GRK5: variants seen among roughly 807,000 people sequenced by gnomAD.
The protein encoded by GRK5 is g protein-coupled receptor kinase GRK5.
GRK5 carries 40 observed loss-of-function variants against 78.4 expected under a neutral mutation model. That is an observed-to-expected ratio of 0.51 (90% confidence interval 0.40 to 0.66). The LOEUF (loss-of-function observed/expected upper bound fraction) is 0.66. Ranked by LOEUF, GRK5 falls within the 30% of genes least tolerant of loss-of-function variation. The pLI, the probability that GRK5 is intolerant of heterozygous loss-of-function variation, is 0.00. For synonymous variants in GRK5, 289 were observed against 296.8 expected (o/e 0.97, Z 0.27); for missense variants, 598 against 759.9 (o/e 0.79, Z 2.50).
chr10:119,218,229 G>A (rs1318681302), intron 1 of GRK5, among the ~76,000 whole-genome samples: 1 of 152,024 alleles, frequency 6.6e-6, no homozygotes, highest in Non-Finnish European at 1.5e-5. Flanking sequence ...GCCTGGTGTC[G>A]CTCCCTGATG....
In GRK5 at chr10:119,419,281, G is replaced by A. The variant is rs1484179294; in HGVS notation, c.340-3885G>A. On this transcript the variant is annotated intron_variant, in intron 4 of 15. Transcript: ENST00000392870. Reference sequence around the variant, plus strand: ...GCCTTGTTTCTTACACGGTGTATCCGATCTGACACGCAGCCAGCGGAGGGC... The same window carrying A: ...GCCTTGTTTCTTACACGGTGTATCCAATCTGACACGCAGCCAGCGGAGGGC... Among the ~76,000 whole-genome samples, 3 of 152,194 alleles carry A rather than the reference G, an allele frequency of 2.0e-5. No homozygotes were observed. In the East Asian group the frequency reaches 5.8e-4, roughly 29 times the overall value.
chr10:119,368,145 G>A (rs1851481155), intron 2 of GRK5, among the ~76,000 whole-genome samples: 1 of 152,250 alleles, frequency 6.6e-6, no homozygotes, highest in South Asian at 2.1e-4. Flanking sequence ...TCCCTGGCAG[G>A]CCAGGGCAGC....
At position 119,264,750 on chromosome 10, in the gene GRK5, G is replaced by T. The variant is rs1849467160; in HGVS notation, c.52+56781G>T. ...AGTGGGGTAGGACTATTCTTCAGCA[G>T]TGGGAGGGACCCTGGGTGGACTAAA... On this transcript the variant is annotated intron_variant, in intron 1 of 15. Coordinates refer to ENST00000392870, the MANE Select transcript of GRK5 (RefSeq NM_005308.3). The surrounding 1 kb of genome is among the most constrained non-coding windows in gnomAD (Gnocchi z 4.1). Among the ~76,000 whole-genome samples the T allele has an allele frequency of 1.3e-5, 2 of 152,234 alleles. No homozygotes were observed. The highest frequency in any genetic ancestry group is 2.1e-4 in the South Asian group (1 of 4,836).
chr10:119,260,290 C>T (rs1340454821), intron 1 of GRK5, among the ~76,000 whole-genome samples: 1 of 152,118 alleles, frequency 6.6e-6, no homozygotes, highest in Admixed American at 6.5e-5. Context: ...CGTGAGCCGC[C>T]GCACCGGCCA....
chr10:119,213,874 T>C (rs1848527226), intron 1 of GRK5, among the ~76,000 whole-genome samples: 2 of 152,234 alleles, frequency 1.3e-5, no homozygotes, highest in African/African-American at 2.4e-5. Flanking sequence ...AAGGACCCAG[T>C]GCGGAGGTGA....
chr10:119,367,912 G>C (rs766209554), intron 2 of GRK5, among the ~76,000 whole-genome samples: 1 of 152,240 alleles, frequency 6.6e-6, no homozygotes, highest in Non-Finnish European at 1.5e-5. Flanking sequence ...CAGCACAGCC[G>C]TGATCCTCGC....
intron 13 of GRK5, among the ~76,000 whole-genome samples, chr10:119,449,931 G>T (rs1337715987): frequency 1.3e-5 from 2 of 152,198 alleles, no homozygotes; most frequent in Admixed American, 6.5e-5. Flanking sequence ...AACAACACTC[G>T]CCTTGGATGC....
intron 12 of GRK5, among the ~76,000 whole-genome samples, chr10:119,446,476 C>T (rs1054946704): frequency 3.3e-5 from 5 of 150,604 alleles, no homozygotes; most frequent in African/African-American, 9.8e-5. Context: ...GCCCACCCCT[C>T]GCCTTTCTCA....
Position 119,317,624 on chromosome 10 carries a change from AG to A in GRK5, c.53-8890del, listed in dbSNP as rs376735196. On this transcript the variant is annotated intron_variant, in intron 1 of 15. Transcript: ENST00000392870. ...CCCTATTAATGGCTTTAAGCCTGCC[AG>A]GCATCCTGCTGTGAGAAGAATGCCT... Among the ~76,000 whole-genome samples the A allele has an allele frequency of 2.4e-4, 36 of 152,234 alleles. No homozygotes were observed. In the South Asian group the frequency reaches 6.4e-3, roughly 27 times the overall value.
At chr10:119,394,289 T>TGTGTGG (rs1564916945) in intron 3 of GRK5, among the ~76,000 whole-genome samples, 9 of 15,932 alleles carry the variant, frequency 5.6e-4, no homozygotes, top group South Asian at 2.1e-3. Flanking sequence ...TGTGTGGGTG[T>TGTGTGG]GTATCTGTGT....
At chr10:119,240,688 T>G (rs1849010647) in intron 1 of GRK5, among the ~76,000 whole-genome samples, 1 of 152,232 alleles carries the variant, frequency 6.6e-6, no homozygotes, top group African/African-American at 2.4e-5. Context: ...GGTTGTTTTT[T>G]TCTTGTAAAT....
intron 12 of GRK5, among the ~76,000 whole-genome samples, chr10:119,444,938 G>A (rs993604436): frequency 5.3e-5 from 8 of 152,216 alleles, no homozygotes; most frequent in Non-Finnish European, 2.9e-5. Flanking sequence ...CGCCGCAAGC[G>A]GCCCCAGGAG....
At chr10:119,259,065 CTT>C (rs397950981) in intron 1 of GRK5, among the ~76,000 whole-genome samples, 5 of 130,176 alleles carry the variant, frequency 3.8e-5, no homozygotes, top group Non-Finnish European at 4.8e-5. Context: ...CTTTCTTTTT[CTT>C]TTTTTTTTTT....
chr10:119,395,260 T>C (rs1852027608), intron 3 of GRK5, among the ~76,000 whole-genome samples: 1 of 152,166 alleles, frequency 6.6e-6, no homozygotes, highest in Non-Finnish European at 1.5e-5. Context: ...GGATCTTGGC[T>C]CTCCATTAGA....
At chr10:119,433,470 C>T (rs909429959) in intron 8 of GRK5, among the ~76,000 whole-genome samples, 12 of 152,192 alleles carry the variant, frequency 7.9e-5, no homozygotes, top group East Asian at 3.9e-4. Flanking sequence ...GCCCCATCCA[C>T]GGCCCCGGCA....
chr10:119,428,755 C>G (rs564645889), intron 6 of GRK5, among the ~76,000 whole-genome samples: 2 of 152,292 alleles, frequency 1.3e-5, no homozygotes, highest in Middle Eastern at 3.4e-3. Flanking sequence ...GTTTTTGGAG[C>G]CTGTAGGGCA....
At chr10:119,323,280 A>C (rs959828939) in intron 1 of GRK5, among the ~76,000 whole-genome samples, 71 of 152,348 alleles carry the variant, frequency 4.7e-4, no homozygotes, top group African/African-American at 1.6e-3. Flanking sequence ...CGTTCACCTA[A>C]ATAATGGTTA....
chr10:119,306,109 C>T (rs1419985584), intron 1 of GRK5, among the ~76,000 whole-genome samples: 1 of 152,134 alleles, frequency 6.6e-6, no homozygotes, highest in Non-Finnish European at 1.5e-5. Context: ...CAGTGCCCGC[C>T]TGGGCTGGAT....
chr10:119,234,374 A>G (rs138053184), intron 1 of GRK5, among the ~76,000 whole-genome samples: 6 of 152,304 alleles, frequency 3.9e-5, no homozygotes, highest in South Asian at 4.1e-4. Flanking sequence ...CTTACTCTAC[A>G]TGTCTTATTT....
Sources: allele counts gnomAD v4.1 joint callset (sites outside exome capture counted in the v4.1 genomes callset), GRCh38; gene constraint gnomAD v4.1.1; non-coding constraint Gnocchi (gnomAD v3.1); transcripts MANE v1.5; gene names NCBI Gene and HGNC (gene_info 2026-07-23, HGNC 2026-07-21).